The following SYK variants were observed in gnomAD, a reference collection of about 807,000 sequenced individuals.
The protein encoded by SYK is tyrosine-protein kinase SYK.
Under a neutral mutation model 77.8 loss-of-function variants are expected in SYK, and 16 were observed. That is an observed-to-expected ratio of 0.21 (90% CI 0.14 to 0.31). The LOEUF is 0.31. Ranked by LOEUF, SYK falls within the 10% of genes least tolerant of loss-of-function variation. SYK has a pLI of 1.00. For synonymous variants in SYK, 312 were observed against 308.7 expected (o/e 1.01, Z -0.11); for missense variants, 529 against 814.4 (o/e 0.65, Z 4.26).
intron 1 of SYK, among the ~76,000 whole-genome samples, chr9:90,815,954 G>T (rs750716814): frequency 6.6e-6 from 1 of 152,214 alleles, no homozygotes; most frequent in Admixed American, 6.5e-5. Context: ...AGCTTTACAA[G>T]GGAGAGATTC....
intron 7 of SYK, among the ~76,000 whole-genome samples, chr9:90,867,890 A>T (rs1587888882): frequency 6.6e-6 from 1 of 152,176 alleles, no homozygotes; most frequent in Non-Finnish European, 1.5e-5. Context: ...CAAAATATGT[A>T]TATATAATGT....
At chr9:90,815,314 C>G (rs1336617787) in intron 1 of SYK, among the ~76,000 whole-genome samples, 2 of 152,186 alleles carry the variant, frequency 1.3e-5, no homozygotes, top group African/African-American at 2.4e-5. Flanking sequence ...TCAAGGCAGG[C>G]TGAGAGGGGA....
intron 1 of SYK, among the ~76,000 whole-genome samples, chr9:90,815,476 C>T (rs1386114017): frequency 6.6e-6 from 1 of 152,178 alleles, no homozygotes; most frequent in Non-Finnish European, 1.5e-5. Context: ...GATAAAAGGC[C>T]ACAAGAGAAG....
intron 11 of SYK, among the ~76,000 whole-genome samples, chr9:90,884,284 T>TACAC (rs1554714386): frequency 2.8e-5 from 1 of 35,664 alleles, no homozygotes; most frequent in Non-Finnish European, 5.4e-5. Context: ...TATACACACA[T>TACAC]ATACACATAC....
chr9:90,879,013 A>T (rs1828048920), intron 11 of SYK, 60 bp downstream of exon 11: 1 of 1,284,598 alleles, frequency 7.8e-7, no homozygotes, highest in Admixed American at 2.1e-5. Context: ...AGATAAATGT[A>T]CGTTTTCTTT....
chr9:90,888,408 T>C, intron 12 of SYK, 107 bp from the exon 13 acceptor site: 1 of 792,984 alleles, frequency 1.3e-6, no homozygotes. Flanking sequence ...TTCGTATAAT[T>C]GAAATCATAC....
At chr9:90,886,315 T>G (rs1473571797) in intron 11 of SYK, among the ~76,000 whole-genome samples, 1 of 152,176 alleles carries the variant, frequency 6.6e-6, no homozygotes, top group Admixed American at 6.5e-5. Context: ...TTTAAAAAAA[T>G]GCTTTGCAGA....
At chr9:90,836,543 A>AC (rs1390427682) in intron 1 of SYK, among the ~76,000 whole-genome samples, 1 of 152,216 alleles carries the variant, frequency 6.6e-6, no homozygotes, top group African/African-American at 2.4e-5. Context: ...ATAATTTCAT[A>AC]GCCACTTCCT....
intron 3 of SYK, among the ~76,000 whole-genome samples, chr9:90,859,121 G>A (rs1827152501): frequency 6.6e-6 from 1 of 152,062 alleles, no homozygotes; most frequent in East Asian, 1.9e-4. Flanking sequence ...AACTAAATAG[G>A]TACAACTTAA....
chr9:90,844,033 C>A lies in SYK; in HGVS notation c.135C>A (p.Arg45=), dbSNP rs201774526. The A allele has an allele frequency of 2.5e-6, 4 of 1,612,750 alleles. No individual in the cohort carries two copies. Among genetic ancestry groups the A allele is most frequent in the Admixed American group, 3.3e-5 (2 of 59,862 alleles). ...GGCTTTATTTGCTGCGCCAGAGCCG[C>A]AACTACCTGGGTGGCTTCGCCCTGT... ...SDGLYLLRQS[R]NYLGGFALSV... The change falls in exon 2 of 14, where the codon CGC becomes CGA. Residue 45 remains arginine (R), a synonymous_variant. Transcript: ENST00000375754.
At chr9:90,829,781 A>G (rs4744508) in intron 1 of SYK, among the ~76,000 whole-genome samples, 14,408 of 152,330 alleles carry the variant, frequency 0.095, 974 homozygotes, top group Admixed American at 0.22. Flanking sequence ...TTGTTTATTT[A>G]TAACTACACA....
intron 3 of SYK, among the ~76,000 whole-genome samples, chr9:90,855,804 G>A (rs994058407): frequency 5.3e-5 from 8 of 151,844 alleles, no homozygotes; most frequent in African/African-American, 1.9e-4. Flanking sequence ...TTAATTCACA[G>A]GTCTGTGTAA....
At chr9:90,802,871 T>TA (rs1358769318) in intron 1 of SYK, among the ~76,000 whole-genome samples, 1 of 112,880 alleles carries the variant, frequency 8.9e-6, no homozygotes, top group Non-Finnish European at 1.9e-5. Flanking sequence ...GTATTAAAAA[T>TA]AAAAAAAGGA....
intron 7 of SYK, among the ~76,000 whole-genome samples, chr9:90,868,017 A>G (rs1396849251): frequency 6.6e-6 from 1 of 152,180 alleles, no homozygotes; most frequent in Non-Finnish European, 1.5e-5. Context: ...ATTTTAGCAT[A>G]TAATTGAGCA....
chr9:90,854,888 A>G (rs1826961638), intron 3 of SYK, among the ~76,000 whole-genome samples: 2 of 151,990 alleles, frequency 1.3e-5, no homozygotes, highest in Admixed American at 6.6e-5. Context: ...CAGGTGCAGC[A>G]TGACACACTC....
intron 4 of SYK, among the ~76,000 whole-genome samples, 199 bp downstream of exon 4, chr9:90,862,543 C>G (rs1451192293): frequency 6.6e-6 from 1 of 152,136 alleles, no homozygotes; most frequent in Non-Finnish European, 1.5e-5. Flanking sequence ...CCCATCAGAC[C>G]CCACTTTCAG....
intron 1 of SYK, among the ~76,000 whole-genome samples, chr9:90,833,303 G>A (rs76050131): frequency 0.093 from 14,202 of 152,236 alleles, 954 homozygotes; most frequent in Admixed American, 0.22. Flanking sequence ...ACTTAAAGTA[G>A]CCTCTGTTCC....
At chr9:90,878,210 A>G (rs1828017107) in intron 10 of SYK, among the ~76,000 whole-genome samples, 4 of 152,226 alleles carry the variant, frequency 2.6e-5, no homozygotes, top group Non-Finnish European at 5.9e-5. Flanking sequence ...GACTTCTGAA[A>G]ATACCAATCA....
intron 7 of SYK, among the ~76,000 whole-genome samples, chr9:90,873,682 G>C (rs552932056): frequency 1.3e-5 from 2 of 152,310 alleles, no homozygotes; most frequent in South Asian, 4.1e-4. Flanking sequence ...CAATGCTGCT[G>C]CATCTCCACC....
Sources: gnomAD v4.1 joint callset for allele counts (sites outside exome capture counted in the v4.1 genomes callset) on GRCh38, gnomAD v4.1.1 for gene constraint, MANE v1.5 for transcripts, NCBI Gene and HGNC (gene_info 2026-07-23, HGNC 2026-07-21) for gene names.